The following RPS6KA2 variants were observed in gnomAD, a reference collection of about 807,000 sequenced individuals.
RPS6KA2 encodes the protein ribosomal protein S6 kinase alpha-2.
Under a neutral mutation model 91.8 loss-of-function variants are expected in RPS6KA2, and 42 were observed. The observed-to-expected ratio is 0.46, with a 90% CI of 0.36 to 0.59. The LOEUF is 0.59. Ranked by LOEUF, RPS6KA2 falls within the 20% of genes least tolerant of loss-of-function variation. The pLI, the probability that RPS6KA2 is intolerant of heterozygous loss-of-function variation, is 0.00. For missense variants in RPS6KA2, 798 were observed against 978.5 expected (o/e 0.82, Z 2.46); for synonymous variants, 414 against 393.6 (o/e 1.05, Z -0.61).
At chr6:166,830,126 A>C (rs1181643910) in intron 2 of RPS6KA2, among the ~76,000 whole-genome samples, 3 of 59,856 alleles carry the variant, frequency 5.0e-5, no homozygotes, top group African/African-American at 6.4e-5. Context: ...ACTCCATTTC[A>C]AAAAAAAAAA....
At position 166,494,766 on chromosome 6, in the gene RPS6KA2, C is replaced by T. The variant is rs1781722974; in HGVS notation, c.747+3742G>A. On this transcript the variant is annotated intron_variant, in intron 8 of 20. Coordinates refer to ENST00000265678, the MANE Select transcript of RPS6KA2 (RefSeq NM_021135.6). This position sits in a 1 kb window ranked among gnomAD's most constrained non-coding sequence, Gnocchi z 5.1. The stretch of plus-strand genomic sequence containing the variant: ...GGGGAGGGCACTTGTGGATGCTGCT[C>T]CTCGGGAAGAGATCCCAGCACACAT... Among the ~76,000 whole-genome samples the T allele has an allele frequency of 6.6e-6, 1 of 152,158 alleles. No homozygotes were observed. The highest frequency in any genetic ancestry group is 2.4e-5 in the African/African-American group (1 of 41,432).
intron 1 of RPS6KA2, among the ~76,000 whole-genome samples, chr6:166,575,915 G>T (rs1784825436): frequency 6.6e-6 from 1 of 152,184 alleles, no homozygotes. Context: ...GATATGGTTT[G>T]GTTCTGTGTC....
intron 2 of RPS6KA2, among the ~76,000 whole-genome samples, chr6:166,748,190 G>C (rs1265864649): frequency 6.6e-6 from 1 of 152,198 alleles, no homozygotes; most frequent in Non-Finnish European, 1.5e-5. Context: ...AACCGTAGAG[G>C]AAGCTGGTCA....
intron 3 of RPS6KA2, among the ~76,000 whole-genome samples, chr6:166,527,798 T>C (rs1020928103): frequency 6.6e-6 from 1 of 152,226 alleles, no homozygotes; most frequent in Non-Finnish European, 1.5e-5. Flanking sequence ...GAGTAGAATC[T>C]TAACCCGTGC....
chr6:166,450,466 T>C (rs1454599615), intron 13 of RPS6KA2, among the ~76,000 whole-genome samples: 1 of 117,958 alleles, frequency 8.5e-6, no homozygotes, highest in Non-Finnish European at 1.7e-5. Context: ...AGGACCACCA[T>C]GGCTACCACC....
At chr6:166,774,452 G>A (rs547960688) in intron 2 of RPS6KA2, among the ~76,000 whole-genome samples, 7 of 152,300 alleles carry the variant, frequency 4.6e-5, no homozygotes, top group African/African-American at 1.2e-4. Context: ...GCGTCCCGGC[G>A]TTGGTTATTC....
chr6:166,647,100 G>A (rs1267053300), intron 2 of RPS6KA2, among the ~76,000 whole-genome samples: 3 of 152,120 alleles, frequency 2.0e-5, no homozygotes, highest in Non-Finnish European at 4.4e-5. Context: ...GTATGTGCCA[G>A]AAATCGTTCT....
intron 2 of RPS6KA2, among the ~76,000 whole-genome samples, chr6:166,853,855 C>A (rs1380646871): frequency 6.6e-6 from 1 of 152,212 alleles, no homozygotes; most frequent in Non-Finnish European, 1.5e-5. Flanking sequence ...TGCTCCTTTG[C>A]CTCAGTACAC....
chr6:166,464,647 AC>A (rs1276615996), intron 11 of RPS6KA2, among the ~76,000 whole-genome samples: 1 of 152,158 alleles, frequency 6.6e-6, no homozygotes, highest in African/African-American at 2.4e-5. Flanking sequence ...ATTAACTTTT[AC>A]GAAGCTTTTT....
intron 3 of RPS6KA2, among the ~76,000 whole-genome samples, chr6:166,513,313 C>A (rs888633441): frequency 6.6e-6 from 1 of 152,142 alleles, no homozygotes; most frequent in Admixed American, 6.5e-5. Context: ...CAGTGGTCCT[C>A]GCAGTTCCTA....
intron 2 of RPS6KA2, among the ~76,000 whole-genome samples, chr6:166,771,636 C>T (rs1480746927): frequency 1.3e-5 from 2 of 152,220 alleles, no homozygotes; most frequent in Non-Finnish European, 1.5e-5. Flanking sequence ...CTCTTCTGTT[C>T]TCTGTTCCTT....
Position 166,821,595 on chromosome 6 carries a change from C to T in RPS6KA2, c.123+36605G>A, listed in dbSNP as rs1206534174. On this transcript the variant is annotated intron_variant, in intron 2 of 21. Transcript: ENST00000503859. This position sits in a 1 kb window ranked among gnomAD's most constrained non-coding sequence, Gnocchi z 4.1. ...TCCCTCCTCCCACCGTAACCACCTACGCTCCCCTGGGTTTCCTCCCCCTCA... is the reference window on the plus strand; with the variant it reads ...TCCCTCCTCCCACCGTAACCACCTATGCTCCCCTGGGTTTCCTCCCCCTCA... Among the ~76,000 whole-genome samples, 3 of 152,122 alleles carry T rather than the reference C, an allele frequency of 2.0e-5. No homozygotes were observed. Among genetic ancestry groups the T allele is most frequent in the South Asian group, 2.1e-4 (1 of 4,824 alleles).
At chr6:166,694,856 C>T (rs1031651533) in intron 2 of RPS6KA2, among the ~76,000 whole-genome samples, 1 of 152,134 alleles carries the variant, frequency 6.6e-6, no homozygotes, top group Non-Finnish European at 1.5e-5. Flanking sequence ...GCATGCTTGC[C>T]GTTTCATCAT....
intron 1 of RPS6KA2, among the ~76,000 whole-genome samples, chr6:166,624,507 G>T (rs1316120428): frequency 6.6e-6 from 1 of 152,196 alleles, no homozygotes; most frequent in African/African-American, 2.4e-5. Context: ...TATGGGTAGG[G>T]CGCAGAAGAG....
At chr6:166,636,489 G>A (rs1787245197) in intron 2 of RPS6KA2, among the ~76,000 whole-genome samples, 1 of 152,174 alleles carries the variant, frequency 6.6e-6, no homozygotes, top group Non-Finnish European at 1.5e-5. Context: ...CAAAACTTCT[G>A]ATAATATGTG....
chr6:166,693,489 G>A (rs80036861), intron 2 of RPS6KA2, among the ~76,000 whole-genome samples: 2 of 152,138 alleles, frequency 1.3e-5, no homozygotes, highest in South Asian at 2.1e-4. Flanking sequence ...CGCCTCCATC[G>A]CAAAGCCCCA....
rs1562380174 is a variant in RPS6KA2 at position 166,681,699 on chromosome 6, C to CCCCCCCA, written c.124-142916_124-142915insTGGGGGG. ...GGATCTCCCCCTGCCCGCCCCCCCC[C>CCCCCCCA]CCGCCCCCGCCCAAGATCTTGCTCT... On this transcript the variant is annotated intron_variant, in intron 2 of 21. Coordinates refer to the RPS6KA2 transcript ENST00000503859. 1.6e-3 allele frequency among the ~76,000 whole-genome samples: 100 copies of CCCCCCCA among 62,680 alleles called. 1 individual carries two copies. The highest frequency in any genetic ancestry group is 2.9e-3 in the African/African-American group (33 of 11,210). 41.1% of individuals were successfully genotyped at this position (62,680 alleles called of 152,430 possible).
chr6:166,738,590 T>G (rs1430128336), intron 2 of RPS6KA2, among the ~76,000 whole-genome samples: 1 of 152,150 alleles, frequency 6.6e-6, no homozygotes, highest in Non-Finnish European at 1.5e-5. Context: ...GTAACTGTCT[T>G]ACTAGGTTGA....
intron 1 of RPS6KA2, among the ~76,000 whole-genome samples, chr6:166,549,796 C>T (rs907043246): frequency 4.6e-5 from 7 of 152,160 alleles, no homozygotes; most frequent in African/African-American, 1.7e-4. Flanking sequence ...CACACGAGTA[C>T]ACGTAAAACT....
Sources: allele counts gnomAD v4.1 joint callset (sites outside exome capture counted in the v4.1 genomes callset), GRCh38; gene constraint gnomAD v4.1.1; non-coding constraint Gnocchi (gnomAD v3.1); transcripts MANE v1.5; gene names NCBI Gene and HGNC (gene_info 2026-07-23, HGNC 2026-07-21).